FGGY: variants seen among roughly 807,000 people sequenced by gnomAD.
The protein encoded by FGGY is FGGY carbohydrate kinase domain containing, also known as FGGY carbohydrate kinase domain-containing protein.
Under a neutral mutation model 71.3 loss-of-function variants are expected in FGGY, and 72 were observed. The observed-to-expected ratio is 1.01, with a 90% CI of 0.84 to 1.23. FGGY has a LOEUF of 1.23. FGGY is among the 50% of genes most tolerant of loss of function. The pLI is 0.00. For synonymous variants in FGGY, 251 were observed against 250.3 expected (o/e 1.00, Z -0.02); for missense variants, 668 against 682.3 (o/e 0.98, Z 0.23).
chr1:59,405,281 A>G (rs750539511), intron 5 of FGGY, among the ~76,000 whole-genome samples: 1 of 152,238 alleles, frequency 6.6e-6, no homozygotes, highest in Non-Finnish European at 1.5e-5. Context: ...ATAAGAAATG[A>G]ACAGAGAGCT....
At chr1:59,370,007 C>T (rs1028745866) in intron 4 of FGGY, among the ~76,000 whole-genome samples, 1 of 152,164 alleles carries the variant, frequency 6.6e-6, no homozygotes, top group Non-Finnish European at 1.5e-5. Context: ...AGCAGAGCCC[C>T]TCTCCTCCTC....
chr1:59,382,812 C>T (rs2059629949), intron 5 of FGGY, among the ~76,000 whole-genome samples: 1 of 152,122 alleles, frequency 6.6e-6, no homozygotes, highest in South Asian at 2.1e-4. Flanking sequence ...ACGTGGCTTT[C>T]CTTCTCTTTT....
intron 6 of FGGY, among the ~76,000 whole-genome samples, chr1:59,489,753 A>T (rs1353467270): frequency 6.6e-6 from 1 of 152,142 alleles, no homozygotes; most frequent in Non-Finnish European, 1.5e-5. Context: ...TCAGTGGATC[A>T]TATATTAGTT....
intron 11 of FGGY, among the ~76,000 whole-genome samples, chr1:59,639,648 A>C (rs1285365596): frequency 6.6e-6 from 1 of 152,250 alleles, no homozygotes; most frequent in African/African-American, 2.4e-5. Context: ...CAAATATCTG[A>C]AGCCAAATAG....
chr1:59,339,852 T>TA, intron 2 of FGGY, 106 bp from the exon 3 acceptor site: 2 of 657,722 alleles, frequency 3.0e-6, no homozygotes, highest in Non-Finnish European at 5.2e-6. Context: ...TTTTATGTTG[T>TA]AAAGATTTTT....
intron 2 of FGGY, among the ~76,000 whole-genome samples, chr1:59,337,018 T>TTCATATATATATATTTATATGTGTATAG (rs2049692723): frequency 7.0e-6 from 1 of 143,258 alleles, no homozygotes; most frequent in African/African-American, 2.7e-5. Context: ...TATGTATATA[T>TTCATATATATATATTTATATGTGTATAG]TCATATATAT....
intron 14 of FGGY, among the ~76,000 whole-genome samples, chr1:59,737,363 C>T (rs2098114898): frequency 6.6e-6 from 1 of 152,226 alleles, no homozygotes; most frequent in African/African-American, 2.4e-5. Context: ...GATCCACTGA[C>T]AGCTTACACC....
chr1:59,358,780 T>C (rs930662078), intron 4 of FGGY, among the ~76,000 whole-genome samples: 1 of 152,272 alleles, frequency 6.6e-6, no homozygotes, highest in African/African-American at 2.4e-5. Flanking sequence ...GTTTTATTGC[T>C]ATCTACATAC....
chr1:59,530,297 G>A (rs765197277), intron 7 of FGGY, among the ~76,000 whole-genome samples: 3 of 152,164 alleles, frequency 2.0e-5, no homozygotes, highest in African/African-American at 7.2e-5. Context: ...AAAATATGCT[G>A]TAATTTTAAT....
chr1:59,381,082 G>C (rs886288641), intron 5 of FGGY, among the ~76,000 whole-genome samples: 2 of 152,124 alleles, frequency 1.3e-5, no homozygotes, highest in African/African-American at 4.8e-5. Context: ...TCTCAGGTTT[G>C]TCAAAGATCA....
At chr1:59,642,163 T>A (rs1356650226) in intron 11 of FGGY, among the ~76,000 whole-genome samples, 3 of 152,114 alleles carry the variant, frequency 2.0e-5, no homozygotes, top group Admixed American at 2.0e-4. Context: ...TCTGTAAACT[T>A]GGGAGGAAGG....
At chr1:59,320,961 A>G (rs933889243) in intron 1 of FGGY, among the ~76,000 whole-genome samples, 1 of 152,212 alleles carries the variant, frequency 6.6e-6, no homozygotes, top group Non-Finnish European at 1.5e-5. Flanking sequence ...CATTAAGCAA[A>G]AAGTTACTTA....
chr1:59,478,271 C>T (rs986246293), intron 6 of FGGY, among the ~76,000 whole-genome samples: 2 of 152,124 alleles, frequency 1.3e-5, no homozygotes, highest in African/African-American at 4.8e-5. Flanking sequence ...TCGTGGGTAT[C>T]ATGTGGAGTA....
At chr1:59,750,263 T>G (rs993704917) in intron 14 of FGGY, among the ~76,000 whole-genome samples, 5 of 152,200 alleles carry the variant, frequency 3.3e-5, no homozygotes, top group African/African-American at 1.2e-4. Flanking sequence ...ATTTGAGGTA[T>G]GTTTTAGAGT....
chr1:59,458,709 A>G (rs572424317), intron 6 of FGGY, among the ~76,000 whole-genome samples: 1 of 152,300 alleles, frequency 6.6e-6, no homozygotes, highest in African/African-American at 2.4e-5. Flanking sequence ...TTTCCTAAGG[A>G]GACATATCAT....
intron 9 of FGGY, among the ~76,000 whole-genome samples, chr1:59,610,989 T>A (rs947996590): frequency 1.3e-5 from 2 of 152,156 alleles, no homozygotes; most frequent in Non-Finnish European, 1.5e-5. Context: ...TTGCTGAGGC[T>A]TGAGTAGGTA....
intron 14 of FGGY, among the ~76,000 whole-genome samples, chr1:59,717,237 G>A (rs1013703547): frequency 3.9e-5 from 6 of 152,058 alleles, no homozygotes; most frequent in African/African-American, 1.4e-4. Flanking sequence ...ACATGTGCTT[G>A]TCGTTGAGAT....
chr1:59,447,727 A>G (rs1056781467), intron 5 of FGGY, among the ~76,000 whole-genome samples: 8 of 152,194 alleles, frequency 5.3e-5, no homozygotes, highest in African/African-American at 1.7e-4. Flanking sequence ...GTCTGCTGCC[A>G]TATAAGACGT....
At chr1:59,583,937 C>T (rs1282953081) in intron 8 of FGGY, among the ~76,000 whole-genome samples, 4 of 115,856 alleles carry the variant, frequency 3.5e-5, no homozygotes, top group Admixed American at 8.3e-5. Flanking sequence ...TCGGAAGTGT[C>T]GACGGCTCAC....
Sources: allele counts gnomAD v4.1 joint callset (sites outside exome capture counted in the v4.1 genomes callset), GRCh38; gene constraint gnomAD v4.1.1; transcripts MANE v1.5; gene names NCBI Gene and HGNC (gene_info 2026-07-23, HGNC 2026-07-21).